Variants in TEX15 observed in about 807,000 individuals in gnomAD.
TEX15 encodes testis-expressed protein 15.
Under a neutral mutation model 237.3 loss-of-function variants are expected in TEX15, and 171 were observed. The observed-to-expected ratio is 0.72, with a 90% CI of 0.64 to 0.82. The LOEUF (loss-of-function observed/expected upper bound fraction) is 0.82. Among genes scored for constraint, TEX15 ranks in the 40% least tolerant of loss-of-function variants. The pLI, the probability that TEX15 is intolerant of heterozygous loss-of-function variation, is 0.00. For synonymous variants in TEX15, 1,338 were observed against 1,269.8 expected, an observed-to-expected ratio of 1.05 and a Z score of -1.14; for missense variants, 3,750 against 3,646.5, an observed-to-expected ratio of 1.03 and a Z score of -0.73.
At position 30,844,383 on chromosome 8, in the gene TEX15, A is replaced by C; in HGVS notation, c.5784T>G (p.Ile1928Met). 1 of 1,610,294 alleles carries C rather than the reference A, an allele frequency of 6.2e-7. No individual in the cohort carries two copies. Among genetic ancestry groups the C allele is most frequent in the Non-Finnish European group, 8.5e-7 (1 of 1,178,578 alleles). ...PLNKREKKGE[I>M]KVSKDSQSDL... ...CAGACTGCGAGTCTTTACTAACTTT[A>C]ATTTCCCCCTTCTTCTCTCTTTTGT... is the stretch of plus-strand genomic sequence containing the variant. Residue 1928 changes from isoleucine (I) to methionine (M), a missense_variant, in exon 8 of 11, where the codon ATT (isoleucine) becomes ATG (methionine). By Grantham distance (10) the Ile-to-Met change is conservative (BLOSUM62 1). Transcript: ENST00000643185.
intron 7 of TEX15, among the ~76,000 whole-genome samples, chr8:30,852,100 CTT>C (rs910989172): frequency 7.6e-4 from 69 of 90,380 alleles, no homozygotes; most frequent in African/African-American, 1.9e-3. Flanking sequence ...TTAATTTAAT[CTT>C]TTTTTTTTTT....
At chr8:30,890,138 T>C (rs1248528565) in intron 2 of TEX15, among the ~76,000 whole-genome samples, 1 of 151,168 alleles carries the variant, frequency 6.6e-6, no homozygotes, top group Non-Finnish European at 1.5e-5. Context: ...ATATAAAGTA[T>C]ATACCATATA....
Position 30,842,600 on chromosome 8 carries a change from C to G in TEX15, c.7567G>C (p.Asp2523His). 1 of 1,611,112 alleles carries G rather than the reference C, an allele frequency of 6.2e-7. No individual in the cohort carries two copies. The highest frequency in any genetic ancestry group is 1.3e-5 in the African/African-American group (1 of 74,976). Reference protein sequence around the residue: ...TAVSELKKDLDIICKYNEAVN... With the variant: ...TAVSELKKDLHIICKYNEAVN... ...GCTTCATTATATTTGCAGATAATAT[C>G]CAGATCTTTCTTAAGTTCGGAAACA... is the stretch of plus-strand genomic sequence containing the variant. The change falls in exon 8 of 11, where the codon GAT (aspartate) becomes CAT (histidine). Residue 2523 changes from aspartate to histidine, a missense_variant. Transcript: ENST00000643185.
chr8:30,894,288 G>C (rs772732696), intron 2 of TEX15, among the ~76,000 whole-genome samples: 4 of 151,958 alleles, frequency 2.6e-5, no homozygotes, highest in Non-Finnish European at 5.9e-5. Context: ...ACTCCAGCCT[G>C]GGCAACATAG....
In TEX15 at chr8:30,844,795, T is replaced by C. The variant is rs373916325; in HGVS notation, c.5372A>G (p.Tyr1791Cys). Residue 1791 changes from tyrosine to cysteine, a missense_variant, in exon 8 of 11, where the codon TAT becomes TGT. Tyr to Cys is a radical substitution (Grantham distance 194). Transcript: ENST00000643185. ...DGNETNVTEN[Y>C]ELDVASGTEE... ...AGTTCCTGATGCTACATCCAACTCATAATTCTCAGTGACATTTGTTTCATT... is the reference window on the plus strand; with the variant it reads ...AGTTCCTGATGCTACATCCAACTCACAATTCTCAGTGACATTTGTTTCATT... The C allele has an allele frequency of 4.5e-5, 73 of 1,613,380 alleles. No individual in the cohort carries two copies. The highest frequency in any genetic ancestry group is 1.6e-4 in the Middle Eastern group (1 of 6,084).
chr8:30,845,531 C>G lies in TEX15; in HGVS notation c.4636G>C (p.Glu1546Gln), dbSNP rs745555839. Residue 1546 changes from glutamate to glutamine, a missense_variant, in exon 8 of 11, where the codon GAA (glutamate) becomes CAA (glutamine). By Grantham distance (29) the Glu-to-Gln change is conservative (BLOSUM62 2). Transcript: ENST00000643185. ...GTTTTTCCAGAAAAGGGCTGATGTT[C>G]TTCTGATAAACTTGGATTGCTTACA... ...SSVSNPSLSE[E>Q]HQPFSGKTAY... The G allele has an allele frequency of 4.3e-6, 7 of 1,613,570 alleles. No homozygotes were observed. In the East Asian group the frequency reaches 1.1e-4, roughly 26 times the overall value.
At chr8:30,860,222 G>T (rs1808016424) in intron 5 of TEX15, among the ~76,000 whole-genome samples, 165 bp from the exon 6 acceptor site, 1 of 152,064 alleles carries the variant, frequency 6.6e-6, no homozygotes. Flanking sequence ...TCAGGCTGAA[G>T]CGATCCTCCC....
intron 3 of TEX15, among the ~76,000 whole-genome samples, chr8:30,885,156 T>C (rs1808617483): frequency 6.6e-6 from 1 of 152,096 alleles, no homozygotes; most frequent in South Asian, 2.1e-4. Flanking sequence ...ATATCTAGTG[T>C]GGGCCCCCTA....
At chr8:30,875,678 T>C (rs1808385263) in intron 3 of TEX15, among the ~76,000 whole-genome samples, 1 of 152,146 alleles carries the variant, frequency 6.6e-6, no homozygotes, top group South Asian at 2.1e-4. Flanking sequence ...GGAGCAAATA[T>C]AATTGACTAT....
intron 10 of TEX15, among the ~76,000 whole-genome samples, chr8:30,834,490 C>A (rs1031790722): frequency 6.6e-6 from 1 of 152,002 alleles, no homozygotes; most frequent in African/African-American, 2.4e-5. Flanking sequence ...CCTCTTTTAT[C>A]GTTTTCCTTA....
chr8:30,844,696 T>C lies in TEX15; in HGVS notation c.5471A>G (p.Asn1824Ser), dbSNP rs1157454393. 1.9e-6 allele frequency: 3 copies of C among 1,613,286 alleles called. No homozygotes were observed. Among genetic ancestry groups the C allele is most frequent in the Non-Finnish European group, 2.5e-6 (3 of 1,179,594 alleles). The change falls in exon 8 of 11, where the codon AAT becomes AGT. Residue 1824 changes from asparagine to serine, a missense_variant. Physicochemically the swap from Asn to Ser is conservative, Grantham distance 46. Transcript: ENST00000643185. ...SSDSSLLLKD[N>S]VKGSSSETCI... Reference sequence around the variant, plus strand: ...TGTTTCTGAAGAGGAGCCTTTTACATTATCTTTTAAAAGCAGAGAACTATC... The same window carrying C: ...TGTTTCTGAAGAGGAGCCTTTTACACTATCTTTTAAAAGCAGAGAACTATC...
intron 1 of TEX15, among the ~76,000 whole-genome samples, chr8:30,903,039 A>G (rs1006844338): frequency 1.2e-4 from 19 of 152,238 alleles, no homozygotes; most frequent in African/African-American, 4.6e-4. Flanking sequence ...CATATTACAT[A>G]GTCTATGTTG....
intron 10 of TEX15, among the ~76,000 whole-genome samples, chr8:30,834,416 C>T (rs1344630090): frequency 2.0e-5 from 3 of 152,196 alleles, no homozygotes; most frequent in Non-Finnish European, 2.9e-5. Context: ...AAGTGATCTG[C>T]CTGCCTTGGC....
At chr8:30,859,429 T>C (rs573774726) in intron 6 of TEX15, among the ~76,000 whole-genome samples, 22 of 152,216 alleles carry the variant, frequency 1.4e-4, no homozygotes, top group Middle Eastern at 3.4e-3. Flanking sequence ...TTATTTATGA[T>C]TGATAAATCT....
Position 30,845,248 on chromosome 8 carries a change from A to G in TEX15, c.4919T>C (p.Ile1640Thr). Residue 1640 changes from isoleucine (I) to threonine (T), a missense_variant, in exon 8 of 11, where the codon ATA (isoleucine) becomes ACA (threonine). Physicochemically the swap from Ile to Thr is moderately conservative, Grantham distance 89. Transcript: ENST00000643185. ...GTCAGTTTTCGCCTTTGTGTGACCT[A>G]TGCAAGTTGCATCACAATCGTTGCC... ...STGNDCDATC[I>T]GHTKAKTDVL... The G allele has an allele frequency of 6.2e-7, 1 of 1,613,512 alleles. No homozygotes were observed. The highest frequency in any genetic ancestry group is 8.5e-7 in the Non-Finnish European group (1 of 1,179,532).
At chr8:30,874,390 T>C (rs145558573) in intron 4 of TEX15, among the ~76,000 whole-genome samples, 13 of 152,318 alleles carry the variant, frequency 8.5e-5, no homozygotes, top group East Asian at 1.9e-4. Context: ...AATGAGAACT[T>C]TGCATATGCT....
At position 30,842,507 on chromosome 8, in the gene TEX15, G is replaced by A. The variant is rs750618956; in HGVS notation, c.7660C>T (p.Leu2554Phe). ...ELQELSEIKK[L>F]LKKSKYFIST... ...ATAAAATACTTGGACTTCTTCAGAA[G>A]CTTTTTTATTTCTGAAAGTTCTTGA... is the stretch of plus-strand genomic sequence containing the variant. The change falls in exon 8 of 11, where the codon CTT becomes TTT. Residue 2554 changes from leucine to phenylalanine, a missense_variant. By Grantham distance (22) the Leu-to-Phe change is conservative. Coordinates refer to ENST00000643185, the MANE Select transcript of TEX15 (RefSeq NM_001350162.2). 1 of 1,612,100 alleles carries A rather than the reference G, an allele frequency of 6.2e-7. No individual in the cohort carries two copies. The highest frequency in any genetic ancestry group is 1.1e-5 in the South Asian group (1 of 90,808).
chr8:30,845,369 C>T lies in TEX15; in HGVS notation c.4798G>A (p.Ala1600Thr). The T allele has an allele frequency of 1.9e-6, 3 of 1,611,312 alleles. No homozygotes were observed. The highest frequency in any genetic ancestry group is 1.1e-5 in the South Asian group (1 of 90,904). ...KHSANHNVKD[A>T]TKENSCDANE... ...GCGTCACAACTGTTTTCTTTAGTTG[C>T]ATCTTTAACATTATGATTTGCTGAA... The change falls in exon 8 of 11, where the codon GCA becomes ACA. Residue 1600 changes from alanine (A) to threonine (T), a missense_variant. Physicochemically the swap from Ala to Thr is moderately conservative, Grantham distance 58. Transcript: ENST00000643185.
intron 3 of TEX15, among the ~76,000 whole-genome samples, chr8:30,879,308 T>C (rs955698888): frequency 6.6e-6 from 1 of 152,216 alleles, no homozygotes; most frequent in Admixed American, 6.5e-5. Flanking sequence ...TTCTTCTTTC[T>C]TTTATAGATT....
Sources: allele counts gnomAD v4.1 joint callset (sites outside exome capture counted in the v4.1 genomes callset), GRCh38; gene constraint gnomAD v4.1.1; transcripts MANE v1.5; gene names NCBI Gene and HGNC (gene_info 2026-07-23, HGNC 2026-07-21).